The following BBX variants were observed in gnomAD, a reference collection of about 807,000 sequenced individuals.
BBX encodes the protein BBX high mobility group box domain containing, also known as HMG box transcription factor BBX.
Under a neutral mutation model 100.2 loss-of-function variants are expected in BBX, and 30 were observed. The ratio of observed to expected loss-of-function variants is 0.30; its 90% confidence interval spans 0.22 to 0.41. The LOEUF is 0.41. BBX is among the 10% of genes least tolerant of loss of function. The pLI, the probability that BBX is intolerant of heterozygous loss-of-function variation, is 1.00. For missense variants in BBX, 1,023 were observed against 1,129.8 expected (o/e 0.91, Z 1.35); for synonymous variants, 376 against 388.1 (o/e 0.97, Z 0.37).
intron 7 of BBX, among the ~76,000 whole-genome samples, chr3:107,736,420 AC>A (rs2063640316): frequency 6.6e-6 from 1 of 151,468 alleles, no homozygotes; most frequent in South Asian, 2.1e-4. Flanking sequence ...AGTGAATATC[AC>A]CTTTTTTTTT....
intron 2 of BBX, among the ~76,000 whole-genome samples, chr3:107,619,132 A>G (rs568963766): frequency 1.3e-5 from 2 of 152,172 alleles, no homozygotes; most frequent in South Asian, 2.1e-4. Context: ...TTATCATGAT[A>G]CAGTGTTTCT....
At chr3:107,662,937 A>G (rs750494835) in intron 3 of BBX, 9 of 152,320 alleles carry the variant, frequency 5.9e-5, no homozygotes, top group Non-Finnish European at 1.3e-4. Flanking sequence ...TTAAATAAAT[A>G]TGTTATTTCT....
intron 2 of BBX, among the ~76,000 whole-genome samples, chr3:107,566,374 A>G (rs2050915410): frequency 6.6e-6 from 1 of 151,980 alleles, no homozygotes. Context: ...GAAATTTTAC[A>G]TCTACTTTGA....
At chr3:107,620,152 T>C (rs1396599020) in intron 2 of BBX, among the ~76,000 whole-genome samples, 2 of 152,178 alleles carry the variant, frequency 1.3e-5, no homozygotes, top group African/African-American at 2.4e-5. Flanking sequence ...TCTTTTTGCC[T>C]CTGTCCCCTC....
At chr3:107,568,338 C>G (rs1163576399) in intron 2 of BBX, among the ~76,000 whole-genome samples, 1 of 148,904 alleles carries the variant, frequency 6.7e-6, no homozygotes, top group Non-Finnish European at 1.5e-5. Context: ...AATCTCGGCT[C>G]ACTGCAACCT....
intron 2 of BBX, among the ~76,000 whole-genome samples, chr3:107,633,246 T>C (rs2107735852): frequency 6.6e-6 from 1 of 152,262 alleles, no homozygotes; most frequent in South Asian, 2.1e-4. Context: ...GAATTTCATA[T>C]GTTAACAGTT....
chr3:107,659,661 G>A (rs988979908), intron 3 of BBX: 81 of 1,121,666 alleles, frequency 7.2e-5, no homozygotes, highest in Non-Finnish European at 9.4e-5. Flanking sequence ...AGGCTGTCTG[G>A]CTGCAGGGTT....
chr3:107,621,030 C>A (rs1260488473), intron 2 of BBX, among the ~76,000 whole-genome samples: 1 of 152,002 alleles, frequency 6.6e-6, no homozygotes, highest in Non-Finnish European at 1.5e-5. Flanking sequence ...ATCTTTATAA[C>A]CTGGCCAGGG....
At chr3:107,649,165 GA>G (rs1340415217) in intron 3 of BBX, among the ~76,000 whole-genome samples, 1 of 152,182 alleles carries the variant, frequency 6.6e-6, no homozygotes, top group Non-Finnish European at 1.5e-5. Context: ...ACCATTACAA[GA>G]ATGGCATGGA....
At chr3:107,662,452 A>T (rs1284062899) in intron 3 of BBX, 4 of 152,152 alleles carry the variant, frequency 2.6e-5, no homozygotes, top group Admixed American at 2.6e-4. Context: ...AGCCAAGTTG[A>T]GACTTTCCAT....
intron 2 of BBX, among the ~76,000 whole-genome samples, chr3:107,632,072 CTT>C (rs2107731578): frequency 7.6e-6 from 1 of 132,222 alleles, no homozygotes; most frequent in African/African-American, 2.7e-5. Context: ...CTTAGAAATG[CTT>C]TTTTTGTTGT....
intron 6 of BBX, among the ~76,000 whole-genome samples, chr3:107,730,125 C>T (rs916416846): frequency 1.1e-4 from 16 of 151,866 alleles, no homozygotes; most frequent in Admixed American, 4.6e-4. Flanking sequence ...CATTCTAGGG[C>T]GGAAAAAAGG....
At chr3:107,579,286 T>C (rs527989698) in intron 2 of BBX, among the ~76,000 whole-genome samples, 1 of 152,340 alleles carries the variant, frequency 6.6e-6, no homozygotes, top group African/African-American at 2.4e-5. Flanking sequence ...CTGGAATTTA[T>C]CTTTTGATTA....
chr3:107,599,819 A>G (rs1284525980), intron 2 of BBX, among the ~76,000 whole-genome samples: 1 of 152,180 alleles, frequency 6.6e-6, no homozygotes, highest in Non-Finnish European at 1.5e-5. Context: ...ACGTCTAGTC[A>G]AATCCACAGT....
At chr3:107,581,834 A>G (rs962297256) in intron 2 of BBX, among the ~76,000 whole-genome samples, 2 of 152,168 alleles carry the variant, frequency 1.3e-5, no homozygotes, top group Non-Finnish European at 2.9e-5. Flanking sequence ...TAGTTGGCTG[A>G]TATTTTTAGA....
At chr3:107,661,622 C>G (rs1305245182) in intron 3 of BBX, among the ~76,000 whole-genome samples, 1 of 152,118 alleles carries the variant, frequency 6.6e-6, no homozygotes, top group Non-Finnish European at 1.5e-5. Context: ...TAAATAGAAC[C>G]AGAAATGTGG....
At chr3:107,612,437 G>C (rs2054908652) in intron 2 of BBX, among the ~76,000 whole-genome samples, 1 of 152,192 alleles carries the variant, frequency 6.6e-6, no homozygotes, top group Admixed American at 6.5e-5. Context: ...TGTCACTGTA[G>C]TTGTATCTGT....
At chr3:107,728,686 G>A in intron 5 of BBX, 79 bp from the exon 6 acceptor site, 1 of 1,291,014 alleles carries the variant, frequency 7.7e-7, no homozygotes, top group Non-Finnish European at 1.1e-6. Context: ...TATCTAAATA[G>A]GGGAATGGGG....
intron 3 of BBX, among the ~76,000 whole-genome samples, chr3:107,698,781 TAGAG>T (rs749938116): frequency 3.5e-5 from 5 of 142,164 alleles, no homozygotes; most frequent in Middle Eastern, 3.8e-3. Flanking sequence ...AAATTACAAA[TAGAG>T]AGTCATTTTT....
Sources: allele counts gnomAD v4.1 joint callset (sites outside exome capture counted in the v4.1 genomes callset), GRCh38; gene constraint gnomAD v4.1.1; transcripts MANE v1.5; gene names NCBI Gene and HGNC (gene_info 2026-07-23, HGNC 2026-07-21).